Variants in INPP4B observed in about 807,000 individuals in gnomAD.
INPP4B encodes the protein inositol polyphosphate-4-phosphatase type II B.
INPP4B carries 55 observed loss-of-function variants against 122.5 expected under a neutral mutation model. That is an observed-to-expected ratio of 0.45 (90% CI 0.36 to 0.56). The LOEUF is 0.56. Among genes scored for constraint, INPP4B ranks in the 20% least tolerant of loss-of-function variants. INPP4B has a pLI of 0.00. For synonymous variants in INPP4B, 403 were observed against 388.7 expected, an observed-to-expected ratio of 1.04 and a Z score of -0.43; for missense variants, 1,000 against 1,097.7, an observed-to-expected ratio of 0.91 and a Z score of 1.26.
chr4:142,336,523 T>C (rs1776645263), intron 7 of INPP4B, among the ~76,000 whole-genome samples: 1 of 152,168 alleles, frequency 6.6e-6, no homozygotes, highest in Non-Finnish European at 1.5e-5. Flanking sequence ...AGCTGTAACA[T>C]GAACAAGCTG....
intron 15 of INPP4B, among the ~76,000 whole-genome samples, chr4:142,191,401 T>G (rs1481884722): frequency 6.6e-6 from 1 of 152,030 alleles, no homozygotes; most frequent in Non-Finnish European, 1.5e-5. Flanking sequence ...GTCATGCTCC[T>G]CCCCCACTAG....
At chr4:142,144,747 A>G (rs1427299777) in intron 18 of INPP4B, among the ~76,000 whole-genome samples, 2 of 152,154 alleles carry the variant, frequency 1.3e-5, no homozygotes, top group Non-Finnish European at 2.9e-5. Context: ...TTAGAAAGCC[A>G]TAGCTTACAA....
intron 1 of INPP4B, among the ~76,000 whole-genome samples, chr4:142,765,106 C>T (rs1771914145): frequency 6.6e-6 from 1 of 152,076 alleles, no homozygotes; most frequent in Admixed American, 6.6e-5. Context: ...CATGATGCTG[C>T]ACAGACCTCA....
chr4:142,710,371 G>A (rs1268322916), intron 2 of INPP4B, among the ~76,000 whole-genome samples: 2 of 152,174 alleles, frequency 1.3e-5, no homozygotes, highest in Admixed American at 6.5e-5. Flanking sequence ...GCCAAGATAT[G>A]ATACTGACAA....
chr4:142,152,518 G>A (rs1225242238), intron 17 of INPP4B, among the ~76,000 whole-genome samples: 1 of 152,150 alleles, frequency 6.6e-6, no homozygotes. Context: ...AAGAAAAAGA[G>A]GATAATTCTT....
chr4:142,358,572 A>C (rs558930806), intron 7 of INPP4B, among the ~76,000 whole-genome samples: 2 of 151,772 alleles, frequency 1.3e-5, no homozygotes, highest in African/African-American at 4.8e-5. Flanking sequence ...AGCTTTTAAA[A>C]AACTGCTACG....
intron 11 of INPP4B, among the ~76,000 whole-genome samples, chr4:142,246,085 T>G (rs1456147264): frequency 6.8e-6 from 1 of 147,014 alleles, no homozygotes; most frequent in African/African-American, 2.6e-5. Context: ...ACACATTATA[T>G]ATATGTGTGT....
intron 11 of INPP4B, among the ~76,000 whole-genome samples, chr4:142,252,815 G>A (rs1034406349): frequency 1.3e-5 from 2 of 152,132 alleles, no homozygotes; most frequent in Non-Finnish European, 2.9e-5. Flanking sequence ...GTCTTCTAGT[G>A]TTTCTTGTTT....
At chr4:142,449,691 T>C (rs1813728005) in intron 3 of INPP4B, among the ~76,000 whole-genome samples, 1 of 148,970 alleles carries the variant, frequency 6.7e-6, no homozygotes, top group Admixed American at 6.6e-5. Flanking sequence ...AGAGCAAGAC[T>C]CTGTCCCAAA....
At chr4:142,535,723 T>C (rs1200101979) in intron 2 of INPP4B, among the ~76,000 whole-genome samples, 2 of 151,816 alleles carry the variant, frequency 1.3e-5, no homozygotes, top group African/African-American at 2.4e-5. Flanking sequence ...ATTAATAATA[T>C]GTGTGTGCAT....
At chr4:142,816,438 C>T (rs1269840798) in intron 1 of INPP4B, among the ~76,000 whole-genome samples, 2 of 151,964 alleles carry the variant, frequency 1.3e-5, no homozygotes, top group Non-Finnish European at 2.9e-5. Flanking sequence ...AAAGGATCTT[C>T]CCTTTAAAGA....
At position 142,666,585 on chromosome 4, in the gene INPP4B, A is replaced by T. The variant is rs558515784; in HGVS notation, c.-191+59254T>A. ...AAAGAACCCTACCAAATATTAGAAT[A>T]TCTCAATATTTAGCTCTTGAAAATT... On this transcript the variant is annotated intron_variant, in intron 2 of 25. Coordinates refer to ENST00000262992, the MANE Select transcript of INPP4B (RefSeq NM_001101669.3). 1.3e-3 allele frequency among the ~76,000 whole-genome samples: 204 copies of T among 152,260 alleles called. 1 individual carries two copies. The highest frequency in any genetic ancestry group is 4.8e-3 in the African/African-American group (198 of 41,562).
chr4:142,358,825 G>C (rs188577955), intron 7 of INPP4B, among the ~76,000 whole-genome samples: 1 of 151,908 alleles, frequency 6.6e-6, no homozygotes, highest in African/African-American at 2.4e-5. Context: ...GAAGCTGTAT[G>C]CTTAACAATG....
rs912789119 is a variant in INPP4B at position 142,619,163 on chromosome 4, A to T, written c.-191+106676T>A. Among the ~76,000 whole-genome samples, 6 of 152,124 alleles carry T rather than the reference A, an allele frequency of 3.9e-5. No homozygotes were observed. In the East Asian group the frequency reaches 1.2e-3, roughly 29 times the overall value. On this transcript the variant is annotated intron_variant, in intron 2 of 25. Transcript: ENST00000262992. ...ATGTAAAACAGTGCAGCTGCTGTAG[A>T]AAACAGTATGGAGATTCCTAAAAAA...
chr4:142,805,209 A>G (rs1028892512), intron 1 of INPP4B, among the ~76,000 whole-genome samples: 4 of 152,228 alleles, frequency 2.6e-5, no homozygotes, highest in Admixed American at 1.3e-4. Flanking sequence ...AATCCTTAAC[A>G]TAATTTCACT....
chr4:142,051,456 A>G (rs1754543844), intron 25 of INPP4B, among the ~76,000 whole-genome samples: 2 of 151,966 alleles, frequency 1.3e-5, no homozygotes, highest in Admixed American at 6.6e-5. Context: ...AGCTAGCAAC[A>G]TGCTATTTCT....
intron 25 of INPP4B, among the ~76,000 whole-genome samples, chr4:142,046,299 C>A (rs939417286): frequency 1.3e-5 from 2 of 152,072 alleles, no homozygotes; most frequent in African/African-American, 4.8e-5. Context: ...ATATACGATG[C>A]TTTAGACCTT....
At chr4:142,041,554 G>A (rs1344886031) in intron 25 of INPP4B, among the ~76,000 whole-genome samples, 1 of 152,048 alleles carries the variant, frequency 6.6e-6, no homozygotes, top group Non-Finnish European at 1.5e-5. Flanking sequence ...GGAGGCGGAG[G>A]TTGCAGTGAG....
chr4:142,239,855 A>C (rs1354507208), intron 11 of INPP4B, among the ~76,000 whole-genome samples: 3 of 152,038 alleles, frequency 2.0e-5, no homozygotes, highest in Non-Finnish European at 4.4e-5. Context: ...ATCTAGAGTC[A>C]GTATAAGTGC....
Sources: allele counts gnomAD v4.1 joint callset (sites outside exome capture counted in the v4.1 genomes callset), GRCh38; gene constraint gnomAD v4.1.1; transcripts MANE v1.5; gene names NCBI Gene and HGNC (gene_info 2026-07-23, HGNC 2026-07-21).